CDK5RAP2: variants seen among roughly 807,000 people sequenced by gnomAD.
CDK5RAP2 encodes CDK5 regulatory subunit associated protein 2, also known as CDK5 regulatory subunit-associated protein 2.
Under a neutral mutation model 232.9 loss-of-function variants are expected in CDK5RAP2, and 147 were observed. That is an observed-to-expected ratio of 0.63 (90% CI 0.55 to 0.72). The LOEUF is 0.72. CDK5RAP2 is among the 30% of genes least tolerant of loss of function. The pLI is 0.00. For synonymous variants in CDK5RAP2, 833 were observed against 833.7 expected, an observed-to-expected ratio of 1.00 and a Z score of 0.01; for missense variants, 2,195 against 2,231.5, an observed-to-expected ratio of 0.98 and a Z score of 0.33.
At chr9:120,558,973 T>C (rs941027155) in intron 3 of CDK5RAP2, among the ~76,000 whole-genome samples, 2 of 152,200 alleles carry the variant, frequency 1.3e-5, no homozygotes, top group South Asian at 2.1e-4. Flanking sequence ...TAGAACACAG[T>C]AGACGTTCAA....
At chr9:120,414,659 C>T (rs925546780) in intron 28 of CDK5RAP2, among the ~76,000 whole-genome samples, 1 of 151,998 alleles carries the variant, frequency 6.6e-6, no homozygotes, top group Non-Finnish European at 1.5e-5. Context: ...GGGGAGTGGG[C>T]GGTAATGTTT....
intron 35 of CDK5RAP2, among the ~76,000 whole-genome samples, chr9:120,395,137 T>C (rs1290905652): frequency 2.0e-5 from 3 of 152,184 alleles, no homozygotes; most frequent in Non-Finnish European, 4.4e-5. Flanking sequence ...TGCATTGATA[T>C]CAAAAAATGA....
At chr9:120,400,646 G>A in intron 35 of CDK5RAP2, 96 bp downstream of exon 35, 1 of 1,475,564 alleles carries the variant, frequency 6.8e-7, no homozygotes, top group Non-Finnish European at 9.4e-7. Flanking sequence ...CCAAATGGTG[G>A]GCACATCTGC....
At position 120,579,884 on chromosome 9, in the gene CDK5RAP2, G is replaced by A. The variant is rs113138292; in HGVS notation, c.59+36C>T. On this transcript the variant is annotated intron_variant, in intron 1 of 37. Coordinates refer to ENST00000349780, the MANE Select transcript of CDK5RAP2 (RefSeq NM_018249.6). ...CGAAATCCCACCAGCTGGAACCCCG[G>A]CCCGGTTACCACGACCACCAATGCC... 327 of 1,572,726 alleles carry A rather than the reference G, an allele frequency of 2.1e-4. 2 individuals carry two copies. The African/African-American group carries it at 3.7e-3, about 18-fold the overall frequency.
In CDK5RAP2 at chr9:120,535,867, TG is replaced by T. The variant is rs574482323; in HGVS notation, c.662+504del. 9.4e-4 allele frequency among the ~76,000 whole-genome samples: 143 copies of T among 152,346 alleles called. 1 individual carries two copies. Among genetic ancestry groups the T allele is most frequent in the African/African-American group, 3.2e-3 (132 of 41,586 alleles). On this transcript the variant is annotated intron_variant, in intron 7 of 37. Coordinates refer to ENST00000349780, the MANE Select transcript of CDK5RAP2 (RefSeq NM_018249.6). ...CCCTGTACTCATTTGGGCCTTGGGC[TG>T]CATTAAAAGATATAATGGAATATAA... is the stretch of plus-strand genomic sequence containing the variant.
intron 31 of CDK5RAP2, chr9:120,407,721 A>AC (rs1305163434): frequency 3.7e-5 from 6 of 163,212 alleles, no homozygotes; most frequent in Non-Finnish European, 8.0e-5. Flanking sequence ...TAAAAAAAAA[A>AC]AAAAAACACC....
chr9:120,519,216 A>G (rs79386333), intron 11 of CDK5RAP2, among the ~76,000 whole-genome samples: 2,240 of 152,080 alleles, frequency 0.015, 68 homozygotes, highest in African/African-American at 0.052. Context: ...GAAAAGCACA[A>G]ATTTTCACAG....
intron 20 of CDK5RAP2, 139 bp downstream of exon 20, chr9:120,458,311 T>C: frequency 1.2e-6 from 1 of 817,578 alleles, no homozygotes; most frequent in Non-Finnish European, 2.0e-6. Context: ...ATTTCATGAC[T>C]GGCAAGATTC....
At chr9:120,504,213 T>C (rs1588506062) in intron 12 of CDK5RAP2, among the ~76,000 whole-genome samples, 1 of 152,120 alleles carries the variant, frequency 6.6e-6, no homozygotes, top group Non-Finnish European at 1.5e-5. Flanking sequence ...CTTAGGGAGC[T>C]GCCCAGGTTC....
chr9:120,444,860 T>C (rs2036094006), intron 22 of CDK5RAP2, among the ~76,000 whole-genome samples: 1 of 152,192 alleles, frequency 6.6e-6, no homozygotes, highest in Admixed American at 6.5e-5. Flanking sequence ...TATAAGATGG[T>C]AGTAATTTCT....
At chr9:120,498,570 T>C (rs1325335217) in intron 12 of CDK5RAP2, among the ~76,000 whole-genome samples, 1 of 152,208 alleles carries the variant, frequency 6.6e-6, no homozygotes, top group Non-Finnish European at 1.5e-5. Flanking sequence ...GATTAGTTCA[T>C]AATGTTGCAT....
At chr9:120,527,520 A>ATG (rs2040958931) in intron 10 of CDK5RAP2, among the ~76,000 whole-genome samples, 1 of 1,528 alleles carries the variant, frequency 6.5e-4, no homozygotes, top group Non-Finnish European at 3.6e-3. Flanking sequence ...TTGGGGGGGG[A>ATG]TATATATATA....
intron 3 of CDK5RAP2, among the ~76,000 whole-genome samples, chr9:120,561,707 T>C (rs1424785716): frequency 1.3e-5 from 2 of 152,226 alleles, no homozygotes; most frequent in African/African-American, 4.8e-5. Context: ...TGAATACACA[T>C]TTTTGCAGAA....
At chr9:120,544,354 C>T (rs2041755019) in intron 5 of CDK5RAP2, among the ~76,000 whole-genome samples, 2 of 151,980 alleles carry the variant, frequency 1.3e-5, no homozygotes, top group Non-Finnish European at 2.9e-5. Context: ...GCCTCCCTGC[C>T]CAGAAAATAA....
chr9:120,388,935 C>T lies in CDK5RAP2; in HGVS notation c.*301G>A. The T allele has an allele frequency of 2.0e-6, 1 of 505,784 alleles. No individual in the cohort carries two copies. Among genetic ancestry groups the T allele is most frequent in the Non-Finnish European group, 3.5e-6 (1 of 284,762 alleles). The allele number at this position is 505,784 out of a possible 1,614,324, so 31.3% of individuals were successfully genotyped here. On this transcript the variant is annotated 3_prime_UTR_variant, in exon 38 of 38. Transcript: ENST00000349780. ...ACTGTGGCACTGGCTGAGTACTAAG[C>T]AAATCCAGGGGAAGACGTGAAGCCC...
At chr9:120,415,674 T>C (rs2131346652) in intron 27 of CDK5RAP2, among the ~76,000 whole-genome samples, 1 of 152,364 alleles carries the variant, frequency 6.6e-6, no homozygotes, top group South Asian at 2.1e-4. Flanking sequence ...AGAAAAGTGA[T>C]CTCAACAGAA....
chr9:120,516,023 C>T (rs1588537020), intron 12 of CDK5RAP2, among the ~76,000 whole-genome samples: 2 of 152,106 alleles, frequency 1.3e-5, no homozygotes, highest in Non-Finnish European at 2.9e-5. Flanking sequence ...TGGGTATATA[C>T]CCAAAGGACT....
At chr9:120,483,806 A>T (rs756097137) in intron 14 of CDK5RAP2, among the ~76,000 whole-genome samples, 54 of 152,334 alleles carry the variant, frequency 3.5e-4, no homozygotes, top group Non-Finnish European at 5.3e-4. Flanking sequence ...GACTTGAAGG[A>T]AACACATGTA....
At chr9:120,393,373 A>G (rs2032172769) in intron 36 of CDK5RAP2, among the ~76,000 whole-genome samples, 1 of 152,214 alleles carries the variant, frequency 6.6e-6, no homozygotes, top group Non-Finnish European at 1.5e-5. Flanking sequence ...TTTGCAGTCC[A>G]AACACTGGCA....
Sources: allele counts gnomAD v4.1 joint callset (sites outside exome capture counted in the v4.1 genomes callset), GRCh38; gene constraint gnomAD v4.1.1; transcripts MANE v1.5; gene names NCBI Gene and HGNC (gene_info 2026-07-23, HGNC 2026-07-21).